Variants in GFPT2 observed in about 807,000 individuals in gnomAD.
GFPT2 encodes glutamine--fructose-6-phosphate transaminase 2.
In GFPT2, 62 loss-of-function variants were observed where a neutral mutation model predicts 85.6. The ratio of observed to expected loss-of-function variants is 0.72; its 90% CI spans 0.59 to 0.90. The LOEUF (loss-of-function observed/expected upper bound fraction) is 0.90, where lower values mean the gene tolerates loss of function less well. Ranked by LOEUF, GFPT2 falls within the 40% of genes least tolerant of loss-of-function variation. GFPT2 has a pLI of 0.00. For synonymous variants in GFPT2, 368 were observed against 344.5 expected (o/e 1.07, Z -0.75); for missense variants, 788 against 893.4 (o/e 0.88, Z 1.50).
chr5:180,327,450 T>C (rs1764229687), intron 7 of GFPT2, among the ~76,000 whole-genome samples: 1 of 152,204 alleles, frequency 6.6e-6, no homozygotes, highest in East Asian at 1.9e-4. Context: ...CCTTTGCTCA[T>C]GCTGGTTCCT....
In GFPT2 at chr5:180,351,151, T is replaced by C. The variant is rs193205485; in HGVS notation, c.7+2060A>G. On this transcript the variant is annotated intron_variant, in intron 1 of 18. Transcript: ENST00000253778. The stretch of plus-strand genomic sequence containing the variant: ...AATTCATGCCAAAAGAAAACAACCA[T>C]AAAAGGAAAATCAGTATCACTTGTC... Among the ~76,000 whole-genome samples, 353 of 152,274 alleles carry C rather than the reference T, an allele frequency of 2.3e-3. 1 individual carries two copies. The highest frequency in any genetic ancestry group is 8.0e-3 in the African/African-American group (331 of 41,546).
chr5:180,334,113 C>T (rs1764355703), intron 4 of GFPT2, among the ~76,000 whole-genome samples: 1 of 152,200 alleles, frequency 6.6e-6, no homozygotes. Flanking sequence ...GGGTGTGTGC[C>T]TCAGTCACGA....
At chr5:180,327,113 G>A (rs1764223018) in intron 7 of GFPT2, among the ~76,000 whole-genome samples, 1 of 152,188 alleles carries the variant, frequency 6.6e-6, no homozygotes. Context: ...GTCTGGAAGA[G>A]ACAGCCTCAC....
chr5:180,303,716 G>C (rs1292946204), intron 17 of GFPT2, among the ~76,000 whole-genome samples: 1 of 152,212 alleles, frequency 6.6e-6, no homozygotes, highest in Non-Finnish European at 1.5e-5. Context: ...CCTCAGGGCA[G>C]CTGCTGTGTA....
At chr5:180,320,220 C>G (rs1026161480) in intron 9 of GFPT2, among the ~76,000 whole-genome samples, 1 of 151,954 alleles carries the variant, frequency 6.6e-6, no homozygotes, top group Non-Finnish European at 1.5e-5. Flanking sequence ...TCTCGATCTC[C>G]TGACCTCGTG....
rs370233409 is a variant in GFPT2, at chr5:180,323,524, TTCTC to T, written c.794+660_794+663del. On this transcript the variant is annotated intron_variant, in intron 9 of 18. Transcript: ENST00000253778. The surrounding 1 kb of genome is among the most constrained non-coding windows in gnomAD (Gnocchi z 4.0). ...TTCAAATGGCAGGAAAGTGCTCTGG[TTCTC>T]TCTCTCCCTCTCTCTCTCTCTGTGT... Among the ~76,000 whole-genome samples the T allele has an allele frequency of 1.9e-3, 290 of 152,254 alleles. 8 individuals are homozygous for T. The highest frequency in any genetic ancestry group is 1.1e-3 in the Admixed American group (17 of 15,300).
chr5:180,312,634 G>A (rs1418827033), intron 14 of GFPT2, 90 bp from the exon 15 acceptor site: 20 of 718,002 alleles, frequency 2.8e-5, no homozygotes, highest in Admixed American at 4.1e-5. Context: ...TGTTGCTCAC[G>A]CCTGAGTGCA....
chr5:180,306,910 G>A (rs747327953), intron 16 of GFPT2, among the ~76,000 whole-genome samples: 1 of 152,208 alleles, frequency 6.6e-6, no homozygotes, highest in Non-Finnish European at 1.5e-5. Context: ...TGGACAGCCG[G>A]AGGGGCACAC....
intron 17 of GFPT2, among the ~76,000 whole-genome samples, chr5:180,303,183 T>A (rs1219885404): frequency 6.8e-6 from 1 of 147,712 alleles, no homozygotes; most frequent in Non-Finnish European, 1.5e-5. Context: ...TGAGCCGAGA[T>A]GGCGCCACTG....
intron 6 of GFPT2, among the ~76,000 whole-genome samples, chr5:180,329,819 G>A (rs946447281): frequency 3.9e-5 from 6 of 152,148 alleles, no homozygotes; most frequent in African/African-American, 9.7e-5. Flanking sequence ...GACCCCTCTC[G>A]TCCTCCCGCA....
rs1247511795 is a variant in GFPT2, at chr5:180,328,389, C to A, written c.535-51G>T. 1 of 1,444,704 alleles carries A rather than the reference C, an allele frequency of 6.9e-7. No homozygotes were observed. The highest frequency in any genetic ancestry group is 1.1e-5 in the South Asian group (1 of 87,718). 89.5% of individuals were successfully genotyped at this position (1,444,704 alleles called of 1,614,324 possible). A position where few individuals can be genotyped will look rare whatever the true frequency, so the allele number is the denominator to read the frequency against. On this transcript the variant is annotated intron_variant, in intron 6 of 18. Transcript: ENST00000253778. The surrounding 1 kb of genome is among the most constrained non-coding windows in gnomAD (Gnocchi z 5.4). ...CAACGCGTTCCAGCAGCCGCTGCTGCAGCCTGGCCACAGCCCAGGTGCGTC... is the reference window on the plus strand; with the variant it reads ...CAACGCGTTCCAGCAGCCGCTGCTGAAGCCTGGCCACAGCCCAGGTGCGTC...
intron 16 of GFPT2, among the ~76,000 whole-genome samples, chr5:180,305,156 C>G (rs1262044594): frequency 6.6e-6 from 1 of 152,204 alleles, no homozygotes; most frequent in African/African-American, 2.4e-5. Flanking sequence ...TGCACCAGCC[C>G]GGGACACAAC....
chr5:180,307,305 T>C lies in GFPT2; in HGVS notation c.1547-2A>G. Reference sequence around the variant, plus strand: ...GAGACAGCACTTCCTTGATCAGCTCTGGGCCATGCACGGAGCAGAGGGAGA... The same window carrying C: ...GAGACAGCACTTCCTTGATCAGCTCCGGGCCATGCACGGAGCAGAGGGAGA... On this transcript the variant is annotated splice_acceptor_variant, in intron 15 of 18. Coordinates refer to ENST00000253778, the MANE Select transcript of GFPT2 (RefSeq NM_005110.4). LOFTEE classifies it high-confidence loss of function. 6.2e-7 allele frequency: 1 copy of C among 1,613,790 alleles called. No individual in the cohort carries two copies. Among genetic ancestry groups the C allele is most frequent in the South Asian group, 1.1e-5 (1 of 91,080 alleles).
At chr5:180,332,139 T>TGCA (rs1278574676) in intron 4 of GFPT2, among the ~76,000 whole-genome samples, 1 of 152,122 alleles carries the variant, frequency 6.6e-6, no homozygotes, top group Non-Finnish European at 1.5e-5. Context: ...ATCTGCCAGC[T>TGCA]GCAGCTTTTC....
chr5:180,304,330 G>C (rs917439039), intron 17 of GFPT2, among the ~76,000 whole-genome samples: 1 of 152,210 alleles, frequency 6.6e-6, no homozygotes, highest in African/African-American at 2.4e-5. Flanking sequence ...ATAGTCAGTT[G>C]CTCAGATGTG....
intron 13 of GFPT2, 48 bp from the exon 14 acceptor site, chr5:180,314,012 C>G: frequency 6.6e-7 from 1 of 1,520,242 alleles, no homozygotes; most frequent in South Asian, 1.2e-5. Context: ...AGCCTCGGCC[C>G]CACCCCAAAC....
At chr5:180,316,102 G>A (rs372317038) in intron 13 of GFPT2, among the ~76,000 whole-genome samples, 2 of 152,194 alleles carry the variant, frequency 1.3e-5, no homozygotes, top group African/African-American at 4.8e-5. Flanking sequence ...AAAGACTAAC[G>A]TGCGTGGATT....
At chr5:180,319,802 G>T (rs1184187600) in intron 9 of GFPT2, among the ~76,000 whole-genome samples, 1 of 152,126 alleles carries the variant, frequency 6.6e-6, no homozygotes, top group Non-Finnish European at 1.5e-5. Context: ...GTAAACTCCA[G>T]CGTACAGGAA....
intron 7 of GFPT2, among the ~76,000 whole-genome samples, chr5:180,325,786 C>G (rs1020339836): frequency 6.6e-6 from 1 of 152,180 alleles, no homozygotes; most frequent in Non-Finnish European, 1.5e-5. Flanking sequence ...CAGCACTTTG[C>G]GGGGCTGAAG....
Sources: allele counts gnomAD v4.1 joint callset (sites outside exome capture counted in the v4.1 genomes callset), GRCh38; gene constraint gnomAD v4.1.1; non-coding constraint Gnocchi (gnomAD v3.1); transcripts MANE v1.5; gene names NCBI Gene and HGNC (gene_info 2026-07-23, HGNC 2026-07-21).